KCNMB2: variants seen among roughly 807,000 people sequenced by gnomAD.
KCNMB2 encodes potassium calcium-activated channel subfamily M regulatory beta subunit 2, also known as calcium-activated potassium channel subunit beta-2.
In KCNMB2, 9 loss-of-function variants were observed where a neutral mutation model predicts 24.5. The ratio of observed to expected loss-of-function variants is 0.37; its 90% CI spans 0.22 to 0.64. KCNMB2 has a LOEUF of 0.64. KCNMB2 is among the 30% of genes least tolerant of loss of function. The pLI is 0.63. For synonymous variants in KCNMB2, 109 were observed against 104.4 expected, an observed-to-expected ratio of 1.04 and a Z score of -0.27; for missense variants, 226 against 284.3, an observed-to-expected ratio of 0.79 and a Z score of 1.47.
intron 1 of KCNMB2, among the ~76,000 whole-genome samples, chr3:178,569,693 C>T (rs2039703581): frequency 6.6e-6 from 1 of 152,132 alleles, no homozygotes; most frequent in African/African-American, 2.4e-5. Flanking sequence ...TCTGCAAAAC[C>T]ACTTTGTAAA....
At chr3:178,826,654 C>T (rs1714845804) in intron 3 of KCNMB2, among the ~76,000 whole-genome samples, 1 of 152,132 alleles carries the variant, frequency 6.6e-6, no homozygotes, top group Non-Finnish European at 1.5e-5. Flanking sequence ...AGAAACAAGA[C>T]CTTTTCAAAT....
At chr3:178,662,303 G>T (rs1720559634) in intron 1 of KCNMB2, among the ~76,000 whole-genome samples, 1 of 152,024 alleles carries the variant, frequency 6.6e-6, no homozygotes, top group African/African-American at 2.4e-5. Context: ...AACTATTCAA[G>T]GAGCCATGTC....
At chr3:178,571,252 A>T (rs1434922775) in intron 1 of KCNMB2, among the ~76,000 whole-genome samples, 1 of 151,264 alleles carries the variant, frequency 6.6e-6, no homozygotes, top group African/African-American at 2.4e-5. Context: ...CCCTGGCTCT[A>T]TTTGACAAAA....
At chr3:178,761,704 G>A (rs112279706) in intron 1 of KCNMB2, among the ~76,000 whole-genome samples, 5 of 152,218 alleles carry the variant, frequency 3.3e-5, no homozygotes, top group African/African-American at 7.2e-5. Flanking sequence ...CATTCTTGCC[G>A]AGAGCCTAGT....
intron 1 of KCNMB2, among the ~76,000 whole-genome samples, chr3:178,774,750 T>C (rs1712513681): frequency 6.6e-6 from 1 of 152,236 alleles, no homozygotes; most frequent in African/African-American, 2.4e-5. Flanking sequence ...TCACTATCCT[T>C]CTTTCCCCCT....
intron 1 of KCNMB2, among the ~76,000 whole-genome samples, chr3:178,670,398 A>G (rs1158626742): frequency 7.0e-6 from 1 of 142,526 alleles, no homozygotes; most frequent in African/African-American, 2.8e-5. Flanking sequence ...ATTAAAACAA[A>G]AGAAAATTTT....
chr3:178,691,995 A>G (rs914391179), intron 1 of KCNMB2, among the ~76,000 whole-genome samples: 4 of 152,078 alleles, frequency 2.6e-5, no homozygotes, highest in Admixed American at 6.6e-5. Context: ...TCATTTCTCT[A>G]ATGGTCAATG....
intron 1 of KCNMB2, among the ~76,000 whole-genome samples, chr3:178,593,599 C>T (rs1014805055): frequency 6.6e-6 from 1 of 151,616 alleles, no homozygotes; most frequent in Non-Finnish European, 1.5e-5. Flanking sequence ...TGATTTTGAC[C>T]GATGCTTATT....
At chr3:178,720,894 T>C (rs1464448906) in intron 1 of KCNMB2, among the ~76,000 whole-genome samples, 1 of 152,066 alleles carries the variant, frequency 6.6e-6, no homozygotes, top group Non-Finnish European at 1.5e-5. Context: ...CTTTGTCAGA[T>C]GAGTAGGTTG....
chr3:178,628,560 CA>C (rs978390856), intron 1 of KCNMB2, among the ~76,000 whole-genome samples: 9 of 152,106 alleles, frequency 5.9e-5, no homozygotes, highest in Admixed American at 3.3e-4. Context: ...TAAAACTATA[CA>C]GAAAATGATG....
At chr3:178,741,622 T>C (rs1048643755) in intron 1 of KCNMB2, among the ~76,000 whole-genome samples, 1 of 152,164 alleles carries the variant, frequency 6.6e-6, no homozygotes, top group Non-Finnish European at 1.5e-5. Flanking sequence ...GGGGAGGACA[T>C]TGATCCTCTC....
At chr3:178,824,297 T>C (rs373755104) in intron 2 of KCNMB2, among the ~76,000 whole-genome samples, 1 of 152,356 alleles carries the variant, frequency 6.6e-6, no homozygotes, top group East Asian at 1.9e-4. Flanking sequence ...TGTTCTGATG[T>C]CCGTGTCATT....
intron 1 of KCNMB2, among the ~76,000 whole-genome samples, chr3:178,675,924 A>G (rs139806271): frequency 2.0e-5 from 3 of 152,108 alleles, no homozygotes; most frequent in Middle Eastern, 3.4e-3. Context: ...TGGGTCTGTT[A>G]GATACTTTAT....
At chr3:178,607,088 A>G (rs1162279947) in intron 1 of KCNMB2, among the ~76,000 whole-genome samples, 4 of 152,286 alleles carry the variant, frequency 2.6e-5, no homozygotes, top group South Asian at 4.1e-4. Flanking sequence ...ATAGACTAAA[A>G]CAGGACCAGG....
intron 1 of KCNMB2, among the ~76,000 whole-genome samples, chr3:178,571,447 GATATATATATATATATAT>G (rs71181237): frequency 0.015 from 1,339 of 91,112 alleles, 50 homozygotes; most frequent in Admixed American, 0.04. Flanking sequence ...TTTCCTTATG[GATATATATATATATATAT>G]ATATATATAT....
intron 1 of KCNMB2, among the ~76,000 whole-genome samples, chr3:178,714,986 T>C (rs1359219109): frequency 3.3e-5 from 5 of 152,238 alleles, no homozygotes; most frequent in Non-Finnish European, 7.3e-5. Context: ...CGGGCATTTT[T>C]ATAGCACTGA....
At chr3:178,833,592 C>G (rs1457569453) in intron 4 of KCNMB2, among the ~76,000 whole-genome samples, 1 of 152,106 alleles carries the variant, frequency 6.6e-6, no homozygotes, top group African/African-American at 2.4e-5. Context: ...CCAAGCTCAC[C>G]AAAAATAATG....
intron 1 of KCNMB2, among the ~76,000 whole-genome samples, chr3:178,800,545 G>A (rs1206834072): frequency 6.6e-6 from 1 of 152,166 alleles, no homozygotes; most frequent in Non-Finnish European, 1.5e-5. Context: ...TAGTGAGGAT[G>A]TGGAGAAAAG....
chr3:178,759,559 ATATC>A (rs1245453240), intron 1 of KCNMB2, among the ~76,000 whole-genome samples: 1 of 132,544 alleles, frequency 7.5e-6, no homozygotes, highest in Non-Finnish European at 1.6e-5. Context: ...GAGGATATAT[ATATC>A]TCTCTCCACG....
Sources: gnomAD v4.1 joint callset for allele counts (sites outside exome capture counted in the v4.1 genomes callset) on GRCh38, gnomAD v4.1.1 for gene constraint, MANE v1.5 for transcripts, NCBI Gene and HGNC (gene_info 2026-07-23, HGNC 2026-07-21) for gene names.